MEI4: variants seen among roughly 807,000 people sequenced by gnomAD.
MEI4 encodes meiotic double-stranded break formation protein 4.
MEI4 carries 27 observed loss-of-function variants against 31.4 expected under a neutral mutation model. The ratio of observed to expected loss-of-function variants is 0.86; its 90% confidence interval spans 0.63 to 1.19. MEI4 has a LOEUF of 1.19. Among genes scored for constraint, MEI4 ranks in the 50% most tolerant of loss-of-function variants. The probability of loss-of-function intolerance (pLI) is 0.00; values close to 1 mark genes in which losing one functional copy is unlikely to be tolerated. For synonymous variants in MEI4, 122 were observed against 145.4 expected (o/e 0.84, Z 1.16); for missense variants, 329 against 398.9 (o/e 0.82, Z 1.49).
intron 2 of MEI4, among the ~76,000 whole-genome samples, chr6:77,735,221 C>A (rs1484432048): frequency 2.6e-5 from 4 of 151,992 alleles, no homozygotes; most frequent in Non-Finnish European, 4.4e-5. Flanking sequence ...TAATATCCTG[C>A]AGAGTGTTTT....
At chr6:77,810,707 G>A (rs1769556747) in intron 3 of MEI4, among the ~76,000 whole-genome samples, 1 of 152,038 alleles carries the variant, frequency 6.6e-6, no homozygotes, top group African/African-American at 2.4e-5. Flanking sequence ...TAGACTCCTT[G>A]AATTTATAAT....
At chr6:77,776,194 C>T (rs1768437294) in intron 3 of MEI4, among the ~76,000 whole-genome samples, 1 of 149,966 alleles carries the variant, frequency 6.7e-6, no homozygotes. Flanking sequence ...TGTTTTTTTG[C>T]TGTGTAGAAG....
chr6:77,909,441 T>C (rs956521052), intron 4 of MEI4, among the ~76,000 whole-genome samples: 1 of 151,928 alleles, frequency 6.6e-6, no homozygotes, highest in African/African-American at 2.4e-5. Flanking sequence ...TCTATGCAAA[T>C]AAACTAGAAA....
At chr6:77,736,831 G>A (rs1767252757) in intron 2 of MEI4, among the ~76,000 whole-genome samples, 1 of 150,614 alleles carries the variant, frequency 6.6e-6, no homozygotes, top group Non-Finnish European at 1.5e-5. Context: ...AGGAGAGAAA[G>A]TGATTATTTT....
intron 2 of MEI4, among the ~76,000 whole-genome samples, chr6:77,744,533 G>C (rs2127674337): frequency 6.6e-6 from 1 of 152,134 alleles, no homozygotes; most frequent in Admixed American, 6.5e-5. Flanking sequence ...GAACCAAGTT[G>C]GAAAACACTT....
At chr6:77,907,851 T>G (rs1424171315) in intron 4 of MEI4, among the ~76,000 whole-genome samples, 1 of 152,080 alleles carries the variant, frequency 6.6e-6, no homozygotes, top group African/African-American at 2.4e-5. Context: ...CTCATTGGTA[T>G]GAGATGGTAT....
At chr6:77,702,661 C>T (rs1158152961) in intron 2 of MEI4, among the ~76,000 whole-genome samples, 1 of 152,132 alleles carries the variant, frequency 6.6e-6, no homozygotes, top group African/African-American at 2.4e-5. Context: ...AATTGCAGCC[C>T]AGTCTCAAGT....
intron 4 of MEI4, among the ~76,000 whole-genome samples, chr6:77,873,258 G>C (rs1350425771): frequency 6.6e-6 from 1 of 152,160 alleles, no homozygotes; most frequent in African/African-American, 2.4e-5. Context: ...ATCTTCTCTA[G>C]CACCTGTTGT....
intron 4 of MEI4, among the ~76,000 whole-genome samples, chr6:77,873,617 C>T (rs1036721669): frequency 6.6e-6 from 1 of 152,170 alleles, no homozygotes; most frequent in Non-Finnish European, 1.5e-5. Context: ...AATTAGATCC[C>T]ATTTGTCAAT....
intron 2 of MEI4, among the ~76,000 whole-genome samples, chr6:77,757,928 C>T (rs575708345): frequency 1.8e-4 from 28 of 152,026 alleles, no homozygotes; most frequent in East Asian, 5.8e-4. Context: ...GAGGCCGAGG[C>T]GGGTGGATCA....
At chr6:77,736,044 GAC>G (rs1767198507) in intron 2 of MEI4, among the ~76,000 whole-genome samples, 2 of 113,180 alleles carry the variant, frequency 1.8e-5, no homozygotes, top group African/African-American at 2.9e-5. Context: ...CAAACTGTCA[GAC>G]AGGGACTTTT....
At chr6:77,869,186 T>C (rs1771136381) in intron 4 of MEI4, among the ~76,000 whole-genome samples, 1 of 152,052 alleles carries the variant, frequency 6.6e-6, no homozygotes, top group East Asian at 1.9e-4. Context: ...CAAATACATA[T>C]AAATTATGTC....
chr6:77,857,716 T>A (rs6454010), intron 4 of MEI4, among the ~76,000 whole-genome samples: 21,331 of 152,208 alleles, frequency 0.14, 1,778 homozygotes, highest in East Asian at 0.39. Flanking sequence ...TAACAGAGTG[T>A]AGAATCAGAA....
chr6:77,673,308 A>AT (rs1768782230), intron 1 of MEI4, among the ~76,000 whole-genome samples: 1 of 152,234 alleles, frequency 6.6e-6, no homozygotes, highest in Admixed American at 6.5e-5. Context: ...TTAAGTGCTT[A>AT]CTGTGTGCCA....
At chr6:77,858,185 C>T (rs1770786048) in intron 4 of MEI4, among the ~76,000 whole-genome samples, 1 of 152,030 alleles carries the variant, frequency 6.6e-6, no homozygotes, top group Non-Finnish European at 1.5e-5. Context: ...AAGAAGTACC[C>T]TTGAAGAAAG....
intron 4 of MEI4, among the ~76,000 whole-genome samples, chr6:77,861,852 G>C (rs1025383404): frequency 6.6e-6 from 1 of 152,104 alleles, no homozygotes; most frequent in Non-Finnish European, 1.5e-5. Flanking sequence ...GATAGTTCTT[G>C]TATTGTTGTT....
intron 4 of MEI4, among the ~76,000 whole-genome samples, chr6:77,900,671 T>A (rs1347360677): frequency 6.6e-6 from 1 of 151,912 alleles, no homozygotes; most frequent in Non-Finnish European, 1.5e-5. Context: ...ACGATAAAAG[T>A]CATTTCAAAT....
At chr6:77,774,285 A>C (rs1182661162) in intron 3 of MEI4, among the ~76,000 whole-genome samples, 1 of 152,080 alleles carries the variant, frequency 6.6e-6, no homozygotes, top group Non-Finnish European at 1.5e-5. Flanking sequence ...AGACGAATGG[A>C]TAAATAAAAT....
intron 2 of MEI4, among the ~76,000 whole-genome samples, chr6:77,754,598 C>A (rs1283422353): frequency 6.6e-6 from 1 of 152,164 alleles, no homozygotes. Context: ...ATCTTTATAG[C>A]AGTACCCCAC....
Sources: allele counts gnomAD v4.1 joint callset (sites outside exome capture counted in the v4.1 genomes callset), GRCh38; gene constraint gnomAD v4.1.1; transcripts MANE v1.5; gene names NCBI Gene and HGNC (gene_info 2026-07-23, HGNC 2026-07-21).